The following ZIM2 variants were observed in gnomAD, a reference collection of about 807,000 sequenced individuals.
The protein encoded by ZIM2 is zinc finger protein 656.
ZIM2 carries 14 observed loss-of-function variants against 38.6 expected under a neutral mutation model. The ratio of observed to expected loss-of-function variants is 0.36; its 90% CI spans 0.24 to 0.57. The LOEUF is 0.57. ZIM2 is among the 20% of genes least tolerant of loss of function. The pLI is 0.81. For missense variants in ZIM2, 680 were observed against 695.1 expected (o/e 0.98, Z 0.24); for synonymous variants, 247 against 245.8 (o/e 1.00, Z -0.04).
At chr19:56,833,433 A>G (rs1170595314) in intron 2 of ZIM2, 7 of 333,096 alleles carry the variant, frequency 2.1e-5, no homozygotes, top group Non-Finnish European at 4.1e-5. Context: ...GCAGACCGAC[A>G]TTCTCTACTT....
intron 3 of ZIM2, 170 bp from the exon 4 acceptor site, chr19:56,824,597 A>T (rs1188659759): frequency 2.5e-6 from 4 of 1,613,236 alleles, no homozygotes; most frequent in African/African-American, 1.3e-5. Flanking sequence ...TAGCTCATAC[A>T]GATTTGGGGC....
chr19:56,793,527 T>C (rs940749475), intron 9 of ZIM2, among the ~76,000 whole-genome samples: 5 of 152,202 alleles, frequency 3.3e-5, no homozygotes, highest in Non-Finnish European at 5.9e-5. Context: ...TGCATAGTTA[T>C]GATTGGACAG....
chr19:56,835,443 C>A (rs2061995358), intron 2 of ZIM2, among the ~76,000 whole-genome samples: 1 of 152,200 alleles, frequency 6.6e-6, no homozygotes, highest in Non-Finnish European at 1.5e-5. Flanking sequence ...ATCCCCTCTG[C>A]TGAGACTACT....
chr19:56,825,284 T>C (rs1189104326), intron 3 of ZIM2, among the ~76,000 whole-genome samples: 3 of 152,204 alleles, frequency 2.0e-5, no homozygotes, highest in Admixed American at 6.5e-5. Flanking sequence ...GGAAGACCAT[T>C]CAAAAATATT....
chr19:56,823,717 C>T (rs764687088), intron 4 of ZIM2, 38 bp from the exon 5 acceptor site: 7 of 1,610,644 alleles, frequency 4.3e-6, no homozygotes, highest in Non-Finnish European at 5.9e-6. Context: ...TATCTCTGGC[C>T]CACATTCTCA....
At chr19:56,815,210 T>C in intron 9 of ZIM2, 1 of 1,613,642 alleles carries the variant, frequency 6.2e-7, no homozygotes, top group Non-Finnish European at 8.5e-7. Flanking sequence ...TGACCATGGG[T>C]CTCCTCGCTG....
chr19:56,840,263 T>G (rs2146792562), intron 1 of ZIM2, among the ~76,000 whole-genome samples: 1 of 152,278 alleles, frequency 6.6e-6, no homozygotes, highest in South Asian at 2.1e-4. Context: ...CCCCGGCCAG[T>G]CAGAAAGGCG....
chr19:56,811,981 C>T, intron 9 of ZIM2: 1 of 985,386 alleles, frequency 1.0e-6, no homozygotes, highest in Non-Finnish European at 1.2e-6. Flanking sequence ...TAAACTTTGA[C>T]ACTCCCTGCA....
At chr19:56,837,556 C>T (rs1213316080) in intron 1 of ZIM2, among the ~76,000 whole-genome samples, 2 of 152,248 alleles carry the variant, frequency 1.3e-5, no homozygotes, top group African/African-American at 4.8e-5. Flanking sequence ...CTTCCCGAGG[C>T]CTGGCTTTGG....
intron 10 of ZIM2, among the ~76,000 whole-genome samples, chr19:56,785,251 T>G (rs1352197653): frequency 6.6e-6 from 1 of 152,138 alleles, no homozygotes; most frequent in Non-Finnish European, 1.5e-5. Flanking sequence ...TCCTTATTTA[T>G]ATTCCCTTGG....
chr19:56,784,034 C>G (rs936892487), intron 10 of ZIM2, among the ~76,000 whole-genome samples: 2 of 152,128 alleles, frequency 1.3e-5, no homozygotes, highest in Non-Finnish European at 2.9e-5. Flanking sequence ...AACTTACTAG[C>G]CATTTTGCTC....
At chr19:56,825,510 C>T (rs1043568262) in intron 3 of ZIM2, among the ~76,000 whole-genome samples, 1 of 152,140 alleles carries the variant, frequency 6.6e-6, no homozygotes, top group African/African-American at 2.4e-5. Flanking sequence ...TTATCTGCCC[C>T]CTTCCATTTT....
intron 10 of ZIM2, among the ~76,000 whole-genome samples, chr19:56,787,856 A>G (rs2046701044): frequency 6.6e-6 from 1 of 150,582 alleles, no homozygotes; most frequent in African/African-American, 2.4e-5. Flanking sequence ...TTTCTTCTAG[A>G]TTTTCTAGTT....
chr19:56,799,044 G>A (rs1288720266), intron 9 of ZIM2: 1 of 152,160 alleles, frequency 6.6e-6, no homozygotes, highest in Non-Finnish European at 1.5e-5. Flanking sequence ...CCTTGTCGAA[G>A]ACAGTGTGGT....
chr19:56,779,851 C>G lies in ZIM2; in HGVS notation c.740-379G>C, dbSNP rs570415157. 2.6e-5 allele frequency among the ~76,000 whole-genome samples: 4 copies of G among 152,174 alleles called. No homozygotes were observed. In the South Asian group the frequency reaches 8.3e-4, roughly 32 times the overall value. ...TGTGCTGAGCTCTACACTTCAGCAC[C>G]AAGAATCTGACATAGCTGCTCAAAA... On this transcript the variant is annotated intron_variant, in intron 11 of 12. Transcript: ENST00000629319.
chr19:56,812,477 A>G, intron 9 of ZIM2: 2 of 985,100 alleles, frequency 2.0e-6, no homozygotes, highest in Non-Finnish European at 2.4e-6. Flanking sequence ...AATAACGAAG[A>G]GAATTAAGTT....
intron 10 of ZIM2, among the ~76,000 whole-genome samples, chr19:56,785,143 A>T (rs1314827813): frequency 6.6e-6 from 1 of 152,188 alleles, no homozygotes; most frequent in Non-Finnish European, 1.5e-5. Context: ...GACTGGGTCC[A>T]CATTCTCACA....
rs2059807192 is a variant in ZIM2, at chr19:56,814,642, A to G, written c.490+3104T>C. The G allele has an allele frequency of 6.2e-7, 1 of 1,614,046 alleles. No homozygotes were observed. The highest frequency in any genetic ancestry group is 8.5e-7 in the Non-Finnish European group (1 of 1,180,028). ...ACTTCTCTGAAACTCAGTGAGGGCTAAGCCTGGAATGATAGCTTCCTCAGC... is the reference window on the plus strand; with the variant it reads ...ACTTCTCTGAAACTCAGTGAGGGCTGAGCCTGGAATGATAGCTTCCTCAGC... On this transcript the variant is annotated intron_variant, in intron 9 of 12. Coordinates refer to ENST00000629319, the MANE Select transcript of ZIM2 (RefSeq NM_001387356.1). The surrounding 1 kb of genome is among the most constrained non-coding windows in gnomAD (Gnocchi z 5.8).
At chr19:56,832,251 A>G (rs935057500) in intron 2 of ZIM2, among the ~76,000 whole-genome samples, 2 of 152,212 alleles carry the variant, frequency 1.3e-5, no homozygotes, top group African/African-American at 2.4e-5. Context: ...AGCTTGTTAC[A>G]GCACATCAGG....
Sources: gnomAD v4.1 joint callset for allele counts (sites outside exome capture counted in the v4.1 genomes callset) on GRCh38, gnomAD v4.1.1 for gene constraint, Gnocchi (gnomAD v3.1) non-coding constraint, MANE v1.5 for transcripts, NCBI Gene and HGNC (gene_info 2026-07-23, HGNC 2026-07-21) for gene names.